Variants in ILDR2 observed in about 807,000 individuals in gnomAD.
ILDR2 encodes immunoglobulin like domain containing receptor 2.
A neutral mutation model predicts 66.8 loss-of-function variants in ILDR2; 25 were observed. That is an observed-to-expected ratio of 0.37 (90% CI 0.27 to 0.52). The LOEUF (loss-of-function observed/expected upper bound fraction) is 0.52, where lower values mean the gene tolerates loss of function less well. ILDR2 is among the 20% of genes least tolerant of loss of function. The pLI is 0.88. For synonymous variants in ILDR2, 367 were observed against 357.2 expected (o/e 1.03, Z -0.31); for missense variants, 827 against 876.8 (o/e 0.94, Z 0.72).
intron 2 of ILDR2, among the ~76,000 whole-genome samples, chr1:166,896,562 A>ATC (rs1212813016): frequency 1.3e-5 from 2 of 150,878 alleles, no homozygotes; most frequent in South Asian, 2.1e-4. Flanking sequence ...ATATATATAT[A>ATC]TATCTCATGT....
intron 3 of ILDR2, among the ~76,000 whole-genome samples, chr1:166,945,616 A>G (rs1661572041): frequency 6.6e-6 from 1 of 152,202 alleles, no homozygotes; most frequent in Non-Finnish European, 1.5e-5. Context: ...AGCTCTAATC[A>G]TTTCCAAGCC....
At chr1:166,927,325 T>C in intron 6 of ILDR2, 145 bp from the exon 7 acceptor site, 1 of 606,144 alleles carries the variant, frequency 1.6e-6, no homozygotes, top group East Asian at 2.8e-5. Flanking sequence ...TCTATATTTA[T>C]ACATATGGGA....
rs1313381320 is a variant in ILDR2 at position 166,918,466 on chromosome 1, CT to C, written c.*888del. On this transcript the variant is annotated 3_prime_UTR_variant, in exon 10 of 10. Transcript: ENST00000271417. ...CTTTCTCCTCTTTCCTCCCTCTTCT[CT>C]TTCATGTGTATATTTTAAGCATTTA... The C allele has an allele frequency of 6.6e-6, 1 of 152,146 alleles. No individual in the cohort carries two copies. Among genetic ancestry groups the C allele is most frequent in the African/African-American group, 2.4e-5 (1 of 41,406 alleles). The allele number at this position is 152,146 out of a possible 1,614,324, so 9.4% of individuals were successfully genotyped here.
chr1:166,949,083 T>G (rs1369817650), intron 3 of ILDR2, among the ~76,000 whole-genome samples: 1 of 152,222 alleles, frequency 6.6e-6, no homozygotes, highest in Non-Finnish European at 1.5e-5. Flanking sequence ...AGACCTTTGG[T>G]CAAGATCAGT....
intron 3 of ILDR2, among the ~76,000 whole-genome samples, chr1:166,941,088 G>T (rs947688762): frequency 1.3e-5 from 2 of 152,228 alleles, no homozygotes; most frequent in African/African-American, 4.8e-5. Flanking sequence ...CAGTGTGGTA[G>T]CATGTGTCCT....
intron 3 of ILDR2, among the ~76,000 whole-genome samples, chr1:166,946,853 C>G (rs938702530): frequency 2.6e-5 from 4 of 152,158 alleles, no homozygotes; most frequent in African/African-American, 9.7e-5. Flanking sequence ...GTTTTTGGCA[C>G]TACTGCTCTA....
chr1:166,932,799 A>T (rs1660711803), intron 6 of ILDR2, among the ~76,000 whole-genome samples: 1 of 152,270 alleles, frequency 6.6e-6, no homozygotes, highest in Non-Finnish European at 1.5e-5. Flanking sequence ...CTGAAAAATT[A>T]CTGTTGTGAA....
chr1:166,953,109 C>T (rs924159967), intron 3 of ILDR2, among the ~76,000 whole-genome samples: 2 of 152,198 alleles, frequency 1.3e-5, no homozygotes, highest in South Asian at 4.1e-4. Flanking sequence ...TCTTAATTTA[C>T]TTTGGAGAAT....
chr1:166,921,324 G>C lies in ILDR2; in HGVS notation c.1267C>G (p.Pro423Ala), dbSNP rs755825698. The change falls in exon 9 of 10, where the codon CCG becomes GCG. Residue 423 changes from proline to alanine, a missense_variant. Physicochemically the swap from Pro to Ala is conservative, Grantham distance 27. This residue lies in a region of ILDR2 where 390 missense variants were observed against 353.6 expected (regional missense o/e 1.10). Coordinates refer to ENST00000271417, the MANE Select transcript of ILDR2 (RefSeq NM_199351.3). This position sits in a 1 kb window ranked among gnomAD's most constrained non-coding sequence, Gnocchi z 5.3. ...GCCAGCTCGTCCATGGAAACGGCCG[G>C]CACCCCCGTGGCGAAGTTCTTCCGC... ...LSRKNFATGV[P>A]AVSMDELAAF... 8 of 1,587,946 alleles carry C rather than the reference G, an allele frequency of 5.0e-6. No homozygotes were observed. The African/African-American group carries it at 9.5e-5, about 19-fold the overall frequency.
intron 6 of ILDR2, among the ~76,000 whole-genome samples, chr1:166,929,510 A>G (rs181960912): frequency 3.3e-5 from 5 of 152,304 alleles, no homozygotes; most frequent in Admixed American, 6.5e-5. Flanking sequence ...TGCTTTACAC[A>G]TAGTGGGGAA....
In ILDR2 at chr1:166,964,757, C is replaced by T. The variant is rs1448932255; in HGVS notation, c.47-6656G>A. On this transcript the variant is annotated intron_variant, in intron 1 of 9. Transcript: ENST00000271417. The stretch of plus-strand genomic sequence containing the variant: ...TCAGCTTCAAGTGCAGACAATGTCT[C>T]GCTGCATGTGCAAAAAAAGGTCCTG... 3.3e-5 allele frequency among the ~76,000 whole-genome samples: 5 copies of T among 152,142 alleles called. No individual in the cohort carries two copies. In the East Asian group the frequency reaches 5.8e-4, roughly 18 times the overall value.
At chr1:166,956,896 C>T (rs758389431) in intron 2 of ILDR2, 44 bp from the exon 3 acceptor site, 1 of 1,598,882 alleles carries the variant, frequency 6.3e-7, no homozygotes, top group South Asian at 1.1e-5. Flanking sequence ...ACTCTGTCCT[C>T]TGAAAGAAAA....
rs571728515 is a variant in ILDR2, at chr1:166,965,464, G to A, written c.47-7363C>T. Among the ~76,000 whole-genome samples the A allele has an allele frequency of 7.2e-5, 11 of 151,988 alleles. No individual in the cohort carries two copies. The South Asian group carries it at 2.1e-3, about 29-fold the overall frequency. The stretch of plus-strand genomic sequence containing the variant: ...ATTTTCCACTTTTGGCATTATGTAG[G>A]CACCCGTAAAGTTTCATATTTTGGA... On this transcript the variant is annotated intron_variant, in intron 1 of 9. Coordinates refer to ENST00000271417, the MANE Select transcript of ILDR2 (RefSeq NM_199351.3).
rs949305289 is a variant in ILDR2, at chr1:166,908,404, A to G, written c.*10951T>C. On this transcript the variant is annotated 3_prime_UTR_variant, in exon 10 of 10. Coordinates refer to ENST00000271417, the MANE Select transcript of ILDR2 (RefSeq NM_199351.3). ...CCATCATAAGAGCTCCACCCTACTGACCTAATCACCTCCCAAAGGCCTCAT... is the reference window on the plus strand; with the variant it reads ...CCATCATAAGAGCTCCACCCTACTGGCCTAATCACCTCCCAAAGGCCTCAT... 2.6e-5 allele frequency: 4 copies of G among 152,140 alleles called. No homozygotes were observed. Among genetic ancestry groups the G allele is most frequent in the Admixed American group, 1.3e-4 (2 of 15,278 alleles). 9.4% of individuals were successfully genotyped at this position (152,140 alleles called of 1,614,324 possible).
At chr1:166,898,448 C>T (rs781130986) in intron 2 of ILDR2, among the ~76,000 whole-genome samples, 7 of 152,164 alleles carry the variant, frequency 4.6e-5, no homozygotes, top group Non-Finnish European at 7.3e-5. Context: ...CCACCCTGGC[C>T]CAAAGTAGCT....
chr1:166,956,308 C>A (rs1458383296), intron 3 of ILDR2, among the ~76,000 whole-genome samples: 2 of 152,106 alleles, frequency 1.3e-5, no homozygotes, highest in Non-Finnish European at 2.9e-5. Flanking sequence ...TGGAGATAAT[C>A]CAGTGGGAAA....
At chr1:166,902,531 A>G (rs1659281103) in intron 2 of ILDR2, among the ~76,000 whole-genome samples, 1 of 152,262 alleles carries the variant, frequency 6.6e-6, no homozygotes, top group Non-Finnish European at 1.5e-5. Context: ...AAAGACTTGT[A>G]TTATATAATT....
Position 166,958,030 on chromosome 1 carries a change from G to A in ILDR2, c.118C>T (p.Leu40Phe). The A allele has an allele frequency of 6.2e-7, 1 of 1,614,128 alleles. No homozygotes were observed. The highest frequency in any genetic ancestry group is 8.5e-7 in the Non-Finnish European group (1 of 1,180,002). The change falls in exon 2 of 10, where the codon CTT (leucine) becomes TTT (phenylalanine). Residue 40 changes from leucine to phenylalanine, a missense_variant. Physicochemically the swap from Leu to Phe is conservative, Grantham distance 22. This residue lies in a region of ILDR2 where 437 missense variants were observed against 523.2 expected (regional missense o/e 0.84). Transcript: ENST00000271417. Reference protein sequence around the residue: ...KVAMLFQPTVLRCHFSTSSHQ... With the variant: ...KVAMLFQPTVFRCHFSTSSHQ... ...GAGGATGTTGAGAAGTGGCAGCGAA[G>A]CACAGTGGGCTGGAAGAGCATGGCC... is the stretch of plus-strand genomic sequence containing the variant.
At chr1:166,965,482 A>G (rs1179916148) in intron 1 of ILDR2, among the ~76,000 whole-genome samples, 3 of 151,088 alleles carry the variant, frequency 2.0e-5, no homozygotes, top group Non-Finnish European at 4.4e-5. Flanking sequence ...AAAGTTTCAT[A>G]TTTTGGAGCA....
Sources: allele counts gnomAD v4.1 joint callset (sites outside exome capture counted in the v4.1 genomes callset), GRCh38; gene constraint gnomAD v4.1.1; regional missense constraint gnomAD v4.1.1; non-coding constraint Gnocchi (gnomAD v3.1); transcripts MANE v1.5; gene names NCBI Gene and HGNC (gene_info 2026-07-23, HGNC 2026-07-21).